ZNF516: variants seen among roughly 807,000 people sequenced by gnomAD.
ZNF516 encodes zinc finger protein 516.
A neutral mutation model predicts 79.7 loss-of-function variants in ZNF516; 19 were observed. The ratio of observed to expected loss-of-function variants is 0.24; its 90% CI spans 0.17 to 0.35. ZNF516 has a LOEUF of 0.35. ZNF516 is among the 10% of genes least tolerant of loss of function. The pLI, the probability that ZNF516 is intolerant of heterozygous loss-of-function variation, is 1.00. For missense variants in ZNF516, 1,678 were observed against 1,679.5 expected, an observed-to-expected ratio of 1.00 and a Z score of 0.02; for synonymous variants, 877 against 739.5, an observed-to-expected ratio of 1.19 and a Z score of -3.02.
chr18:76,404,714 CGT>C (rs1414113502), intron 3 of ZNF516, among the ~76,000 whole-genome samples: 3 of 144,032 alleles, frequency 2.1e-5, no homozygotes, highest in Non-Finnish European at 3.0e-5. Context: ...AGCATATGCA[CGT>C]GTGCATGTGA....
At chr18:76,479,678 C>T (rs920419910) in intron 1 of ZNF516, among the ~76,000 whole-genome samples, 5 of 152,246 alleles carry the variant, frequency 3.3e-5, no homozygotes, top group African/African-American at 1.2e-4. Context: ...AATGCTGCAC[C>T]AGTGGAGACC....
intron 3 of ZNF516, among the ~76,000 whole-genome samples, chr18:76,410,845 GA>G (rs1269944927): frequency 6.6e-6 from 1 of 152,130 alleles, no homozygotes; most frequent in Non-Finnish European, 1.5e-5. Flanking sequence ...AGTTTTTCAA[GA>G]TCTCAGGTTA....
intron 3 of ZNF516, among the ~76,000 whole-genome samples, chr18:76,427,904 AAT>A (rs1488806857): frequency 1.3e-5 from 2 of 152,192 alleles, no homozygotes; most frequent in Admixed American, 1.3e-4. Context: ...AAGCAATAAA[AAT>A]ATACCACTTT....
intron 3 of ZNF516, among the ~76,000 whole-genome samples, chr18:76,425,559 A>G (rs920225913): frequency 5.9e-5 from 9 of 152,226 alleles, no homozygotes; most frequent in Non-Finnish European, 1.2e-4. Flanking sequence ...CATGCCACTG[A>G]CAGGGCTAAA....
chr18:76,372,766 G>A (rs2074727860), intron 4 of ZNF516: 1 of 152,242 alleles, frequency 6.6e-6, no homozygotes, highest in Non-Finnish European at 1.5e-5. Flanking sequence ...ATGAATCAGA[G>A]AAATTCAACA....
At chr18:76,380,978 G>A (rs1338899004) in intron 3 of ZNF516, among the ~76,000 whole-genome samples, 5 of 152,294 alleles carry the variant, frequency 3.3e-5, no homozygotes, top group African/African-American at 7.2e-5. Flanking sequence ...CCTCCATGCC[G>A]CCACCTGCCG....
chr18:76,470,841 C>T (rs576524055), intron 1 of ZNF516, among the ~76,000 whole-genome samples: 10 of 152,228 alleles, frequency 6.6e-5, no homozygotes, highest in African/African-American at 1.7e-4. Context: ...AGGGAAACCC[C>T]GTCTCTACTA....
intron 3 of ZNF516, among the ~76,000 whole-genome samples, chr18:76,398,411 C>T (rs2075173388): frequency 6.6e-6 from 1 of 152,206 alleles, no homozygotes; most frequent in South Asian, 2.1e-4. Context: ...TTAGCTAACA[C>T]GAATCTTTCC....
At chr18:76,470,077 C>A (rs1159784905) in intron 1 of ZNF516, among the ~76,000 whole-genome samples, 1 of 152,150 alleles carries the variant, frequency 6.6e-6, no homozygotes, top group Non-Finnish European at 1.5e-5. Context: ...GAGGTCATCA[C>A]CAGAATCCAT....
At position 76,359,222 on chromosome 18, in the gene ZNF516, AAAAT is replaced by A. The variant is rs1167094613; in HGVS notation, c.*3272_*3275del. Reference sequence around the variant, plus strand: ...GGAACCAGTGTCTTTCTTGGTTTAAAAAATAAATAAGTAAATATTGGGGGACCTC... The same window carrying A: ...GGAACCAGTGTCTTTCTTGGTTTAAAAAATAAGTAAATATTGGGGGACCTC... On this transcript the variant is annotated 3_prime_UTR_variant, in exon 7 of 7. Coordinates refer to ENST00000443185, the MANE Select transcript of ZNF516 (RefSeq NM_014643.4). The A allele has an allele frequency of 2.6e-5, 4 of 152,228 alleles. No homozygotes were observed. 9.4% of individuals were successfully genotyped at this position (152,228 alleles called of 1,614,324 possible).
Position 76,459,743 on chromosome 18 carries a change from G to A in ZNF516, c.-158+3285C>T, listed in dbSNP as rs1912980751. The stretch of plus-strand genomic sequence containing the variant: ...CGCTACACCAGGCACTGCTCCTGGA[G>A]CACAGTGGGTATCCCATCACAACGC... On this transcript the variant is annotated intron_variant, in intron 2 of 6. Transcript: ENST00000443185. This position sits in a 1 kb window ranked among gnomAD's most constrained non-coding sequence, Gnocchi z 5.0. Among the ~76,000 whole-genome samples the A allele has an allele frequency of 6.6e-6, 1 of 152,170 alleles. No homozygotes were observed. The highest frequency in any genetic ancestry group is 1.5e-5 in the Non-Finnish European group (1 of 67,996).
chr18:76,462,724 C>T (rs965507028), intron 2 of ZNF516, among the ~76,000 whole-genome samples: 3 of 152,176 alleles, frequency 2.0e-5, no homozygotes, highest in Non-Finnish European at 2.9e-5. Context: ...GGAATGGACC[C>T]CCCACCCCAG....
At chr18:76,389,749 C>T (rs2075044811) in intron 3 of ZNF516, among the ~76,000 whole-genome samples, 1 of 152,196 alleles carries the variant, frequency 6.6e-6, no homozygotes, top group African/African-American at 2.4e-5. Context: ...TTTGTCATTT[C>T]TTAATCTCTA....
At chr18:76,367,413 C>A (rs1203478299) in intron 6 of ZNF516, among the ~76,000 whole-genome samples, 1 of 152,212 alleles carries the variant, frequency 6.6e-6, no homozygotes, top group Non-Finnish European at 1.5e-5. Context: ...ACGGTGTCAG[C>A]CCTGCCTAGG....
chr18:76,440,783 G>A (rs780780252), intron 3 of ZNF516, among the ~76,000 whole-genome samples: 16 of 145,962 alleles, frequency 1.1e-4, no homozygotes, highest in African/African-American at 1.8e-4. Context: ...CGCATGCATC[G>A]TATGGTGAGA....
chr18:76,371,605 G>A (rs776137006), intron 4 of ZNF516, 34 bp from the exon 5 acceptor site: 16 of 1,580,662 alleles, frequency 1.0e-5, no homozygotes, highest in African/African-American at 5.4e-5. Context: ...TGGCAGGGCC[G>A]TGGTGGGGTT....
chr18:76,411,498 A>G (rs1368453127), intron 3 of ZNF516, among the ~76,000 whole-genome samples: 1 of 152,242 alleles, frequency 6.6e-6, no homozygotes, highest in East Asian at 1.9e-4. Context: ...GAGTTAATAG[A>G]CAAGACACTA....
intron 1 of ZNF516, among the ~76,000 whole-genome samples, chr18:76,468,860 C>T (rs1199662280): frequency 6.6e-6 from 1 of 152,172 alleles, no homozygotes; most frequent in East Asian, 1.9e-4. Context: ...CCATCAGTTC[C>T]TTGTTTAGTC....
chr18:76,371,844 G>A (rs2074713382), intron 4 of ZNF516, among the ~76,000 whole-genome samples: 1 of 152,142 alleles, frequency 6.6e-6, no homozygotes, highest in Non-Finnish European at 1.5e-5. Flanking sequence ...GCAGCACGTC[G>A]GGCTGTGCAG....
Sources: gnomAD v4.1 joint callset for allele counts (sites outside exome capture counted in the v4.1 genomes callset) on GRCh38, gnomAD v4.1.1 for gene constraint, Gnocchi (gnomAD v3.1) non-coding constraint, MANE v1.5 for transcripts, NCBI Gene and HGNC (gene_info 2026-07-23, HGNC 2026-07-21) for gene names.